Variants in FBN1 observed in about 807,000 individuals in gnomAD.
FBN1 encodes fibrillin-1.
In FBN1, 29 loss-of-function variants were observed where a neutral mutation model predicts 365.1. That is an observed-to-expected ratio of 0.08 (90% CI 0.06 to 0.11). The LOEUF (loss-of-function observed/expected upper bound fraction) is 0.11. FBN1 is among the 10% of genes least tolerant of loss of function. The pLI, the probability that FBN1 is intolerant of heterozygous loss-of-function variation, is 1.00. For synonymous variants in FBN1, 1,210 were observed against 1,270.5 expected (o/e 0.95, Z 1.01); for missense variants, 2,476 against 3,703.2 (o/e 0.67, Z 8.60).
Position 48,469,077 on chromosome 15 carries a change from A to AT in FBN1, c.4460-544_4460-543insA, listed in dbSNP as rs796649231. Among the ~76,000 whole-genome samples the AT allele has an allele frequency of 6.8e-4, 70 of 103,374 alleles. 1 individual carries two copies. The highest frequency in any genetic ancestry group is 8.5e-4 in the South Asian group (3 of 3,548). The allele number at this position is 103,374 out of a possible 152,430, so 67.8% of individuals were successfully genotyped here. On this transcript the variant is annotated intron_variant, in intron 36 of 65. Transcript: ENST00000316623. ...AGCGAGACTCCGTCTCAAAAAAAAA[A>AT]AAATATATATATATATAAAATATAA...
chr15:48,472,929 T>A (rs1485534863), intron 34 of FBN1, among the ~76,000 whole-genome samples: 2 of 152,194 alleles, frequency 1.3e-5, no homozygotes, highest in Non-Finnish European at 2.9e-5. Context: ...AACTAAGGCC[T>A]GTTCAAGAAG....
chr15:48,634,850 A>C (rs1359942743), intron 2 of FBN1, among the ~76,000 whole-genome samples: 1 of 120,626 alleles, frequency 8.3e-6, no homozygotes. Flanking sequence ...AAAAAAAAAA[A>C]AAAAAACCAC....
At chr15:48,470,081 G>A (rs954924379) in intron 36 of FBN1, among the ~76,000 whole-genome samples, 8 of 152,122 alleles carry the variant, frequency 5.3e-5, no homozygotes, top group African/African-American at 1.9e-4. Context: ...AAAGAGAACC[G>A]AGTGTCAGTC....
At chr15:48,580,421 C>A (rs1330041806) in intron 6 of FBN1, among the ~76,000 whole-genome samples, 1 of 152,114 alleles carries the variant, frequency 6.6e-6, no homozygotes, top group Non-Finnish European at 1.5e-5. Flanking sequence ...CTGACATAAG[C>A]TTTTTAGGCT....
chr15:48,572,579 A>C (rs2044314573), intron 6 of FBN1, among the ~76,000 whole-genome samples: 1 of 152,150 alleles, frequency 6.6e-6, no homozygotes, highest in South Asian at 2.1e-4. Flanking sequence ...CCCAAGGATC[A>C]GTACTGGGGA....
chr15:48,602,775 A>G (rs1156866183), intron 4 of FBN1, among the ~76,000 whole-genome samples: 1 of 152,222 alleles, frequency 6.6e-6, no homozygotes, highest in Non-Finnish European at 1.5e-5. Context: ...ACAAAGAAAA[A>G]AAATGATTTA....
intron 42 of FBN1, among the ~76,000 whole-genome samples, chr15:48,461,678 C>G (rs2043281262): frequency 6.6e-6 from 1 of 152,112 alleles, no homozygotes; most frequent in South Asian, 2.1e-4. Context: ...TATTCAAGAT[C>G]AAGGGTCAGC....
intron 15 of FBN1, among the ~76,000 whole-genome samples, chr15:48,505,726 T>C (rs1597575471): frequency 2.0e-5 from 3 of 152,362 alleles, no homozygotes; most frequent in South Asian, 4.1e-4. Flanking sequence ...AACAGCACTG[T>C]ATGCAGTTGG....
chr15:48,446,723 T>C lies in FBN1; in HGVS notation c.5771A>G (p.His1924Arg), dbSNP rs748230405. The change falls in exon 47 of 66, where the codon CAC becomes CGC. Residue 1924 changes from histidine to arginine, a missense_variant. His to Arg is a conservative substitution (Grantham distance 29). This residue lies in a region of FBN1 where 1,780 missense variants were observed against 2,840.8 expected (regional missense o/e 0.63). Coordinates refer to ENST00000316623, the MANE Select transcript of FBN1 (RefSeq NM_000138.5). Reference sequence around the variant, plus strand: ...ACACGCACCTATACAGTCATTGTTGTGAGAAAGGATGAAACCATGATTGCA... The same window carrying C: ...ACACGCACCTATACAGTCATTGTTGCGAGAAAGGATGAAACCATGATTGCA... ...CRCNHGFILS[H>R]NNDCIDVDEC... 2.1e-5 allele frequency: 34 copies of C among 1,611,866 alleles called. No homozygotes were observed. Among genetic ancestry groups the C allele is most frequent in the Non-Finnish European group, 2.8e-5 (33 of 1,177,978 alleles).
intron 2 of FBN1, among the ~76,000 whole-genome samples, chr15:48,619,572 C>T (rs1015065801): frequency 2.0e-5 from 3 of 151,986 alleles, no homozygotes; most frequent in Non-Finnish European, 4.4e-5. Flanking sequence ...TGTTTTGTTA[C>T]CATCTCAAAC....
At chr15:48,629,961 A>G (rs901122032) in intron 2 of FBN1, among the ~76,000 whole-genome samples, 1 of 152,226 alleles carries the variant, frequency 6.6e-6, no homozygotes, top group Non-Finnish European at 1.5e-5. Flanking sequence ...CAACAGTCCA[A>G]TCCCAACATG....
intron 6 of FBN1, among the ~76,000 whole-genome samples, chr15:48,553,065 A>G (rs1376793958): frequency 7.2e-5 from 11 of 152,220 alleles, no homozygotes; most frequent in Admixed American, 7.2e-4. Flanking sequence ...GGTCATATGC[A>G]TCATTACCAT....
At chr15:48,565,433 T>A (rs1169097927) in intron 6 of FBN1, among the ~76,000 whole-genome samples, 1 of 152,148 alleles carries the variant, frequency 6.6e-6, no homozygotes, top group Non-Finnish European at 1.5e-5. Flanking sequence ...CATTTTCATC[T>A]GTGTTTTTCC....
chr15:48,610,911 G>T, intron 3 of FBN1, 85 bp from the exon 4 acceptor site: 1 of 1,114,332 alleles, frequency 9.0e-7, no homozygotes, highest in East Asian at 2.5e-5. Flanking sequence ...AGGAAACCTG[G>T]GTTCTCAGGT....
At chr15:48,578,861 T>TG (rs1208279647) in intron 6 of FBN1, among the ~76,000 whole-genome samples, 1 of 43,494 alleles carries the variant, frequency 2.3e-5, no homozygotes, top group Non-Finnish European at 4.0e-5. Flanking sequence ...TGTTGTGGGG[T>TG]GGGGGGAGGG....
rs1566903926 is a variant in FBN1, at chr15:48,465,610, G to A, written c.4900C>T (p.Pro1634Ser). ...TCTTCATTCAGGTAGTAGCCGGTTGGACAGCGGCACTGGAAACTCCCAAAG... is the reference window on the plus strand; with the variant it reads ...TCTTCATTCAGGTAGTAGCCGGTTGAACAGCGGCACTGGAAACTCCCAAAG... ...NTFGSFQCRCPTGYYLNEDTR... is the reference protein window; with the variant it reads ...NTFGSFQCRCSTGYYLNEDTR... Residue 1634 changes from proline (P) to serine (S), a missense_variant, in exon 40 of 66, where the codon CCA (proline) becomes TCA (serine). Around this residue, in one of 5 missense-constraint regions of FBN1, gnomAD observed 1,780 missense variants for 2,840.8 expected, o/e 0.63. Coordinates refer to ENST00000316623, the MANE Select transcript of FBN1 (RefSeq NM_000138.5). 1.2e-6 allele frequency: 2 copies of A among 1,614,092 alleles called. No individual in the cohort carries two copies. The highest frequency in any genetic ancestry group is 1.7e-6 in the Non-Finnish European group (2 of 1,179,962).
chr15:48,496,196 G>A lies in FBN1; in HGVS notation c.2323C>T (p.Leu775Phe), dbSNP rs960849031. ...TTTCTACATTGTCCATTGTCACAAA[G>A]GAGACTGTTCAGTACACATTCATTA... Reference protein sequence around the residue: ...DINECVLNSLLCDNGQCRNTP... With the variant: ...DINECVLNSLFCDNGQCRNTP... Residue 775 changes from leucine to phenylalanine, a missense_variant, in exon 20 of 66, where the codon CTT (leucine) becomes TTT (phenylalanine). Transcript: ENST00000316623. The A allele has an allele frequency of 6.2e-7, 1 of 1,613,642 alleles. No homozygotes were observed. The highest frequency in any genetic ancestry group is 1.7e-5 in the Admixed American group (1 of 60,000).
rs1482617590 is a variant in FBN1, at chr15:48,489,772, T to A, written c.3082+79A>T. On this transcript the variant is annotated intron_variant, in intron 25 of 65. Coordinates refer to ENST00000316623, the MANE Select transcript of FBN1 (RefSeq NM_000138.5). ...AAAAGTCCATGCTGGGATGATCAAG[T>A]AGAGTGCTGAGATCATGAAAATGCA... The A allele has an allele frequency of 4.7e-6, 5 of 1,072,930 alleles. No homozygotes were observed. The African/African-American group carries it at 7.7e-5, about 17-fold the overall frequency. 66.5% of individuals were successfully genotyped at this position (1,072,930 alleles called of 1,614,324 possible).
chr15:48,556,401 A>G (rs1200984062), intron 6 of FBN1, among the ~76,000 whole-genome samples: 5 of 152,250 alleles, frequency 3.3e-5, no homozygotes, highest in African/African-American at 1.2e-4. Context: ...ATTCATAAGA[A>G]GAGGCTAAGG....
Sources: allele counts gnomAD v4.1 joint callset (sites outside exome capture counted in the v4.1 genomes callset), GRCh38; gene constraint gnomAD v4.1.1; regional missense constraint gnomAD v4.1.1; transcripts MANE v1.5; gene names NCBI Gene and HGNC (gene_info 2026-07-23, HGNC 2026-07-21).